Variants in SHANK2 observed in about 807,000 individuals in gnomAD.
SHANK2 encodes SH3 and multiple ankyrin repeat domains 2.
In SHANK2, 43 loss-of-function variants were observed where a neutral mutation model predicts 133.7. That is an observed-to-expected ratio of 0.32 (90% confidence interval 0.25 to 0.41). SHANK2 has a LOEUF of 0.41. SHANK2 is among the 10% of genes least tolerant of loss of function. The pLI, the probability that SHANK2 is intolerant of heterozygous loss-of-function variation, is 1.00. For missense variants in SHANK2, 1,994 were observed against 2,235.8 expected, an observed-to-expected ratio of 0.89 and a Z score of 2.18; for synonymous variants, 1,017 against 952.8, an observed-to-expected ratio of 1.07 and a Z score of -1.24.
intron 14 of SHANK2, among the ~76,000 whole-genome samples, chr11:70,723,966 C>T (rs1946121710): frequency 6.6e-6 from 1 of 151,250 alleles, no homozygotes; most frequent in Non-Finnish European, 1.5e-5. Context: ...TTGCCAAATC[C>T]ACTTAAAAAA....
intron 14 of SHANK2, among the ~76,000 whole-genome samples, chr11:70,706,747 G>GA (rs782387298): frequency 1.1e-3 from 157 of 138,892 alleles, no homozygotes; most frequent in Middle Eastern, 3.5e-3. Context: ...ACACTGAAAG[G>GA]AAAAAAAAAA....
At chr11:71,224,094 C>G (rs1954602014) in intron 2 of SHANK2, among the ~76,000 whole-genome samples, 1 of 152,240 alleles carries the variant, frequency 6.6e-6, no homozygotes, top group Non-Finnish European at 1.5e-5. Flanking sequence ...CTGCTGAGAG[C>G]CTGTGTCCTC....
intron 17 of SHANK2, among the ~76,000 whole-genome samples, chr11:70,514,643 A>G (rs2059243962): frequency 6.6e-6 from 1 of 152,260 alleles, no homozygotes; most frequent in Non-Finnish European, 1.5e-5. Context: ...CATGGAGTGT[A>G]CAATTTGAAC....
intron 17 of SHANK2, among the ~76,000 whole-genome samples, chr11:70,619,294 T>C (rs1265115513): frequency 2.0e-5 from 3 of 152,178 alleles, no homozygotes; most frequent in Admixed American, 6.5e-5. Flanking sequence ...GAGAGCGGCG[T>C]TGGCAGGGCT....
intron 3 of SHANK2, among the ~76,000 whole-genome samples, chr11:71,120,625 A>T (rs782243287): frequency 6.6e-6 from 1 of 152,150 alleles, no homozygotes; most frequent in Non-Finnish European, 1.5e-5. Flanking sequence ...TGTGGCTCTC[A>T]AAGCTCCCCA....
chr11:70,639,630 C>T (rs570830514), intron 17 of SHANK2, among the ~76,000 whole-genome samples: 2 of 152,270 alleles, frequency 1.3e-5, no homozygotes, highest in East Asian at 3.9e-4. Context: ...TTTTGAGAGT[C>T]AATTTCCATC....
chr11:70,859,727 C>A (rs1555067434), intron 11 of SHANK2, among the ~76,000 whole-genome samples: 1 of 152,196 alleles, frequency 6.6e-6, no homozygotes, highest in Non-Finnish European at 1.5e-5. Context: ...GGTTTGACCT[C>A]CACGAAGTGA....
chr11:70,927,575 G>C (rs189297101), intron 10 of SHANK2, among the ~76,000 whole-genome samples: 1 of 152,046 alleles, frequency 6.6e-6, no homozygotes, highest in African/African-American at 2.4e-5. Flanking sequence ...AGGGGTTCAA[G>C]CAAAGGCAGG....
At chr11:71,126,953 C>A (rs1231602712) in intron 3 of SHANK2, among the ~76,000 whole-genome samples, 1 of 152,126 alleles carries the variant, frequency 6.6e-6, no homozygotes, top group Non-Finnish European at 1.5e-5. Context: ...GATCTGCCCA[C>A]CTCGGCCTCC....
At chr11:71,159,593 AAAGTGTTTCTTT>A (rs1952969904) in intron 2 of SHANK2, among the ~76,000 whole-genome samples, 1 of 152,224 alleles carries the variant, frequency 6.6e-6, no homozygotes, top group Non-Finnish European at 1.5e-5. Flanking sequence ...GGCGAGAAAA[AAAGTGTTTCTTT>A]CTACAAGGCA....
At position 71,252,053 on chromosome 11, in the gene SHANK2, T is replaced by C. The variant is rs2135851635; in HGVS notation, c.-113+372A>G. Reference sequence around the variant, plus strand: ...GCGGGGGAGGTCGCGCCACACGCGCTGTTCCAGAGGAAGGGGCAGGACGCG... The same window carrying C: ...GCGGGGGAGGTCGCGCCACACGCGCCGTTCCAGAGGAAGGGGCAGGACGCG... On this transcript the variant is annotated intron_variant, in intron 1 of 25. Transcript: ENST00000601538. The surrounding 1 kb of genome is among the most constrained non-coding windows in gnomAD (Gnocchi z 6.3). Among the ~76,000 whole-genome samples the C allele has an allele frequency of 6.6e-6, 1 of 152,174 alleles. No homozygotes were observed. The highest frequency in any genetic ancestry group is 2.1e-4 in the South Asian group (1 of 4,830).
At chr11:71,164,937 G>A (rs1198167773) in intron 2 of SHANK2, among the ~76,000 whole-genome samples, 4 of 152,184 alleles carry the variant, frequency 2.6e-5, no homozygotes, top group Non-Finnish European at 5.9e-5. Flanking sequence ...TGTAATGACA[G>A]TATTTAAGCT....
chr11:71,134,623 A>G (rs1209446792), intron 3 of SHANK2, among the ~76,000 whole-genome samples: 2 of 151,986 alleles, frequency 1.3e-5, no homozygotes, highest in East Asian at 1.9e-4. Flanking sequence ...TATCTTTAGT[A>G]GAGATGGAGT....
At chr11:70,707,882 C>T (rs1486956826) in intron 14 of SHANK2, among the ~76,000 whole-genome samples, 5 of 152,218 alleles carry the variant, frequency 3.3e-5, no homozygotes, top group Admixed American at 6.5e-5. Context: ...CCTCACCCCA[C>T]GCCCCAGTTA....
At chr11:71,221,864 G>A (rs961551587) in intron 2 of SHANK2, among the ~76,000 whole-genome samples, 2 of 152,112 alleles carry the variant, frequency 1.3e-5, no homozygotes, top group Admixed American at 6.6e-5. Context: ...ATGGCACGGG[G>A]GCGTGAGGTG....
At chr11:70,624,937 C>A (rs1233877648) in intron 17 of SHANK2, among the ~76,000 whole-genome samples, 2 of 152,190 alleles carry the variant, frequency 1.3e-5, no homozygotes, top group African/African-American at 2.4e-5. Context: ...AGGAGTTTAG[C>A]CAATGTACAG....
intron 14 of SHANK2, among the ~76,000 whole-genome samples, chr11:70,708,015 G>A (rs1555025329): frequency 1.3e-5 from 2 of 152,178 alleles, no homozygotes; most frequent in African/African-American, 4.8e-5. Context: ...ATCACAGCTG[G>A]GGCGACAAGG....
At chr11:71,241,472 A>T (rs2135808241) in intron 1 of SHANK2, among the ~76,000 whole-genome samples, 1 of 152,292 alleles carries the variant, frequency 6.6e-6, no homozygotes, top group South Asian at 2.1e-4. Flanking sequence ...GCAACTGCAT[A>T]TGAGATCAGC....
intron 17 of SHANK2, among the ~76,000 whole-genome samples, chr11:70,557,892 G>A (rs1008668764): frequency 1.1e-4 from 17 of 152,178 alleles, no homozygotes; most frequent in Middle Eastern, 3.2e-3. Flanking sequence ...CAGGCGTGCC[G>A]AGCCGGGGCT....
Sources: gnomAD v4.1 joint callset for allele counts (sites outside exome capture counted in the v4.1 genomes callset) on GRCh38, gnomAD v4.1.1 for gene constraint, Gnocchi (gnomAD v3.1) non-coding constraint, MANE v1.5 for transcripts, NCBI Gene and HGNC (gene_info 2026-07-23, HGNC 2026-07-21) for gene names.